Variants in ATG10 observed in about 807,000 individuals in gnomAD.
ATG10 encodes the protein ubiquitin-like-conjugating enzyme ATG10.
ATG10 carries 30 observed loss-of-function variants against 32.1 expected under a neutral mutation model. The ratio of observed to expected loss-of-function variants is 0.94; its 90% CI spans 0.70 to 1.27. The LOEUF (loss-of-function observed/expected upper bound fraction) is 1.27, where lower values mean the gene tolerates loss of function less well. Ranked by LOEUF, ATG10 falls within the 50% of genes most tolerant of loss-of-function variation. ATG10 has a pLI of 0.00. For missense variants in ATG10, 233 were observed against 262.3 expected, an observed-to-expected ratio of 0.89 and a Z score of 0.77; for synonymous variants, 87 against 91.5, an observed-to-expected ratio of 0.95 and a Z score of 0.28.
chr5:81,977,373 C>T (rs954247659), intron 1 of ATG10, among the ~76,000 whole-genome samples: 2 of 152,198 alleles, frequency 1.3e-5, no homozygotes, highest in Non-Finnish European at 2.9e-5. Flanking sequence ...CAACTCTTCA[C>T]TGTGTGGGAT....
intron 5 of ATG10, among the ~76,000 whole-genome samples, chr5:82,223,176 G>A (rs1183829125): frequency 6.6e-6 from 1 of 152,090 alleles, no homozygotes; most frequent in Non-Finnish European, 1.5e-5. Context: ...CTGTTTTTTT[G>A]TTTGTTTTAA....
At chr5:82,182,200 T>A (rs1210363153) in intron 5 of ATG10, among the ~76,000 whole-genome samples, 1 of 152,126 alleles carries the variant, frequency 6.6e-6, no homozygotes, top group Non-Finnish European at 1.5e-5. Flanking sequence ...GATAAGTAAT[T>A]TTTTCTTAGT....
intron 2 of ATG10, among the ~76,000 whole-genome samples, chr5:82,032,166 G>T (rs1170634336): frequency 6.6e-6 from 1 of 152,258 alleles, no homozygotes; most frequent in Non-Finnish European, 1.5e-5. Flanking sequence ...CCCTGGAAAC[G>T]TGTAAGGAGA....
chr5:82,052,259 C>T (rs1027376891), intron 2 of ATG10, among the ~76,000 whole-genome samples: 4 of 152,140 alleles, frequency 2.6e-5, no homozygotes, highest in African/African-American at 9.7e-5. Flanking sequence ...AACAAAAGCC[C>T]TATAATTATT....
intron 2 of ATG10, among the ~76,000 whole-genome samples, chr5:82,030,031 T>G (rs1358862283): frequency 6.6e-6 from 1 of 152,152 alleles, no homozygotes; most frequent in Non-Finnish European, 1.5e-5. Flanking sequence ...GTAGTGACAC[T>G]AACCACCAGT....
intron 2 of ATG10, among the ~76,000 whole-genome samples, chr5:82,009,451 A>C (rs1762070022): frequency 6.6e-6 from 1 of 152,092 alleles, no homozygotes; most frequent in Non-Finnish European, 1.5e-5. Flanking sequence ...TAGGCATGGG[A>C]GGGAACAAGG....
intron 3 of ATG10, among the ~76,000 whole-genome samples, chr5:82,067,132 C>T (rs1200977796): frequency 6.6e-6 from 1 of 152,080 alleles, no homozygotes; most frequent in Non-Finnish European, 1.5e-5. Flanking sequence ...ACCCCAATCC[C>T]ACTTTTGTGT....
intron 5 of ATG10, among the ~76,000 whole-genome samples, chr5:82,229,823 A>G (rs562045375): frequency 6.6e-6 from 1 of 152,148 alleles, no homozygotes; most frequent in African/African-American, 2.4e-5. Flanking sequence ...GGGTTTTGCT[A>G]TCTGTGGCAG....
chr5:82,022,121 G>A (rs1475982696), intron 2 of ATG10, among the ~76,000 whole-genome samples: 18 of 149,988 alleles, frequency 1.2e-4, no homozygotes, highest in Non-Finnish European at 2.4e-4. Flanking sequence ...CCTGGGAGGT[G>A]GAGGTTGCAG....
chr5:82,237,220 C>T (rs1349252927), intron 5 of ATG10, among the ~76,000 whole-genome samples: 1 of 152,176 alleles, frequency 6.6e-6, no homozygotes, highest in African/African-American at 2.4e-5. Flanking sequence ...TGGTACATCT[C>T]TCTTAACTCC....
intron 2 of ATG10, among the ~76,000 whole-genome samples, chr5:82,045,526 G>T (rs945855805): frequency 6.6e-6 from 1 of 152,128 alleles, no homozygotes; most frequent in African/African-American, 2.4e-5. Flanking sequence ...CTGTTCTGTT[G>T]TATGCTTCTG....
chr5:82,183,846 A>G (rs1744344999), intron 5 of ATG10, among the ~76,000 whole-genome samples: 1 of 152,198 alleles, frequency 6.6e-6, no homozygotes, highest in Non-Finnish European at 1.5e-5. Flanking sequence ...ACCTTAAAAA[A>G]TATGTCTTTA....
chr5:82,019,494 A>T (rs1561257696), intron 2 of ATG10, among the ~76,000 whole-genome samples: 1 of 152,284 alleles, frequency 6.6e-6, no homozygotes, highest in South Asian at 2.1e-4. Context: ...ATTGCTATGA[A>T]TAATCTACTA....
chr5:82,248,169 G>T (rs1469980819), intron 5 of ATG10, among the ~76,000 whole-genome samples: 2 of 152,158 alleles, frequency 1.3e-5, no homozygotes, highest in African/African-American at 4.8e-5. Context: ...GATGCCTGGA[G>T]AACTTATCTA....
In ATG10 at chr5:82,166,611, T is replaced by TC. The variant is rs200871000; in HGVS notation, c.355+2082dup. 6.1e-3 allele frequency among the ~76,000 whole-genome samples: 921 copies of TC among 151,836 alleles called. 5 individuals are homozygous for TC. Among genetic ancestry groups the TC allele is most frequent in the Non-Finnish European group, 9.6e-3 (649 of 67,870 alleles). On this transcript the variant is annotated intron_variant, in intron 4 of 7. Transcript: ENST00000282185. ...TCTGGAGTCACAATTTTTCATTTATTCCCCCCCCAGTCTTTTTTATTCTCC... is the reference window on the plus strand; with the variant it reads ...TCTGGAGTCACAATTTTTCATTTATTCCCCCCCCCAGTCTTTTTTATTCTCC...
chr5:82,039,722 A>G (rs1288442792), intron 2 of ATG10, among the ~76,000 whole-genome samples: 4 of 152,260 alleles, frequency 2.6e-5, no homozygotes, highest in Non-Finnish European at 4.4e-5. Flanking sequence ...CACAGAAGAA[A>G]GTATGCAATT....
chr5:82,183,748 G>T (rs980932625), intron 5 of ATG10, among the ~76,000 whole-genome samples: 3 of 152,154 alleles, frequency 2.0e-5, no homozygotes, highest in Admixed American at 6.5e-5. Flanking sequence ...ATTAGGAAGG[G>T]CAGGATAAAT....
intron 3 of ATG10, among the ~76,000 whole-genome samples, chr5:82,156,169 T>A (rs73768635): frequency 0.012 from 1,843 of 151,608 alleles, 36 homozygotes; most frequent in African/African-American, 0.042. Flanking sequence ...TAACGGTGGT[T>A]CTCAAAACAT....
chr5:82,184,257 C>T (rs757472357), intron 5 of ATG10, among the ~76,000 whole-genome samples: 6 of 152,022 alleles, frequency 3.9e-5, no homozygotes, highest in Non-Finnish European at 7.4e-5. Flanking sequence ...CTACACAGAG[C>T]GAATGGGAAG....
Sources: gnomAD v4.1 joint callset for allele counts (sites outside exome capture counted in the v4.1 genomes callset) on GRCh38, gnomAD v4.1.1 for gene constraint, MANE v1.5 for transcripts, NCBI Gene and HGNC (gene_info 2026-07-23, HGNC 2026-07-21) for gene names.